The following ACADM variants were observed in gnomAD, a reference collection of about 807,000 sequenced individuals.
ACADM encodes the protein medium-chain specific acyl-CoA dehydrogenase, mitochondrial.
ACADM carries 49 observed loss-of-function variants against 58.9 expected under a neutral mutation model. That is an observed-to-expected ratio of 0.83 (90% CI 0.66 to 1.06). The LOEUF (loss-of-function observed/expected upper bound fraction) is 1.06, where lower values mean the gene tolerates loss of function less well. ACADM is among the 50% of genes least tolerant of loss of function. The probability of loss-of-function intolerance (pLI) is 0.00; values close to 1 mark genes in which losing one functional copy is unlikely to be tolerated. For missense variants in ACADM, 496 were observed against 507.0 expected (o/e 0.98, Z 0.21); for synonymous variants, 160 against 157.7 (o/e 1.01, Z -0.11).
At chr1:75,756,814 A>G (rs1300683220) in intron 10 of ACADM, among the ~76,000 whole-genome samples, 7 of 152,202 alleles carry the variant, frequency 4.6e-5, no homozygotes, top group Non-Finnish European at 8.8e-5. Context: ...AAACTATACT[A>G]CAAGGCTACA....
chr1:75,756,641 G>A (rs1466421495), intron 10 of ACADM, among the ~76,000 whole-genome samples: 4 of 152,172 alleles, frequency 2.6e-5, no homozygotes, highest in African/African-American at 4.8e-5. Flanking sequence ...ATTGCCCAAG[G>A]TAATTTATAG....
chr1:75,732,776 T>C (rs1457905644), intron 3 of ACADM, 35 bp downstream of exon 3: 6 of 1,603,782 alleles, frequency 3.7e-6, no homozygotes, highest in Non-Finnish European at 4.3e-6. Context: ...GAAAAATCTT[T>C]TACATTTTTT....
intron 10 of ACADM, 152 bp downstream of exon 10, chr1:75,750,698 C>G (rs867622615): frequency 1.4e-6 from 1 of 690,428 alleles, no homozygotes; most frequent in Admixed American, 2.1e-5. Context: ...AAAGACATTT[C>G]TTTTTAGAGT....
At chr1:75,741,121 A>G (rs1264657434) in intron 7 of ACADM, among the ~76,000 whole-genome samples, 1 of 152,218 alleles carries the variant, frequency 6.6e-6, no homozygotes, top group Admixed American at 6.5e-5. Flanking sequence ...CTACAAGTAT[A>G]TAGAGAGTTT....
intron 8 of ACADM, among the ~76,000 whole-genome samples, chr1:75,747,313 T>C (rs530165347): frequency 2.0e-5 from 3 of 151,820 alleles, no homozygotes; most frequent in South Asian, 4.1e-4. Flanking sequence ...AATATTTATG[T>C]AGTGCATACT....
At chr1:75,730,075 A>G in intron 2 of ACADM, among the ~76,000 whole-genome samples, 1 of 151,738 alleles carries the variant, frequency 6.6e-6, no homozygotes, top group East Asian at 1.9e-4. Flanking sequence ...TTATATTATT[A>G]GTAGATATGA....
chr1:75,761,674 A>G (rs1648870074), intron 11 of ACADM: 1 of 335,700 alleles, frequency 3.0e-6, no homozygotes, highest in African/African-American at 2.1e-5. Context: ...TCCAAAAAGT[A>G]TGCATGTCAT....
chr1:75,744,759 G>T, intron 7 of ACADM: 1 of 701,306 alleles, frequency 1.4e-6, no homozygotes, highest in South Asian at 1.5e-5. Flanking sequence ...GGGACACAGT[G>T]GGACCGGGAC....
rs2100417405 is a variant in ACADM, at chr1:75,749,439, A to G, written c.729A>G (p.Arg243=). The change falls in exon 9 of 12, where the codon CGA becomes CGG. Residue 243 remains arginine (R), a synonymous_variant. Transcript: ENST00000370841. The stretch of plus-strand genomic sequence containing the variant: ...ATTAGGAATTAAACATGGGCCAGCG[A>G]TGTTCAGATACTAGAGGAATTGTCT... ...IGRKELNMGQ[R]CSDTRGIVFE... 6.2e-7 allele frequency: 1 copy of G among 1,614,036 alleles called. No individual in the cohort carries two copies. The highest frequency in any genetic ancestry group is 8.5e-7 in the Non-Finnish European group (1 of 1,179,940).
At chr1:75,737,634 T>TCC (rs923968744) in intron 6 of ACADM, among the ~76,000 whole-genome samples, 1 of 151,996 alleles carries the variant, frequency 6.6e-6, no homozygotes, top group African/African-American at 2.4e-5. Context: ...GACACCTGAA[T>TCC]CCCCTCTACA....
At chr1:75,752,117 GA>G (rs1462100663) in intron 10 of ACADM, among the ~76,000 whole-genome samples, 1 of 151,324 alleles carries the variant, frequency 6.6e-6, no homozygotes, top group Non-Finnish European at 1.5e-5. Flanking sequence ...TAAATAACTG[GA>G]ACTATAGGGG....
intron 2 of ACADM, among the ~76,000 whole-genome samples, chr1:75,731,278 C>CAAAAA (rs56885972): frequency 3.1e-5 from 2 of 64,930 alleles, no homozygotes; most frequent in Non-Finnish European, 5.4e-5. Flanking sequence ...GACTCCGTCT[C>CAAAAA]AAAAAAAAAA....
rs150310121 is a variant in ACADM at position 75,761,261 on chromosome 1, G to A, written c.1085G>A (p.Gly362Glu). The part of the protein sequence containing the change: ...YYASIAKAFA[G>E]DIANQLATDA... The stretch of plus-strand genomic sequence containing the variant: ...GCTTCTATTGCAAAGGCATTTGCTG[G>A]AGATATTGCAAATCAGTTAGCTACT... Residue 362 changes from glycine to glutamate, a missense_variant, in exon 11 of 12, where the codon GGA (glycine) becomes GAA (glutamate). Gly to Glu is a moderately conservative substitution (Grantham distance 98). Transcript: ENST00000370841. The A allele has an allele frequency of 6.2e-6, 10 of 1,614,148 alleles. No individual in the cohort carries two copies. In the East Asian group the frequency reaches 2.2e-4, roughly 36 times the overall value.
chr1:75,762,974 A>G lies in ACADM; in HGVS notation c.*211A>G, dbSNP rs1305458762. ...TTTATTAAAATGATGTGTTTTCTTT[A>G]GTACCACTTTACTTGAATTACATTA... On this transcript the variant is annotated 3_prime_UTR_variant, in exon 12 of 12. Transcript: ENST00000370841. The G allele has an allele frequency of 1.5e-5, 6 of 411,442 alleles. No individual in the cohort carries two copies. The highest frequency in any genetic ancestry group is 2.7e-5 in the Non-Finnish European group (6 of 226,400). The allele number at this position is 411,442 out of a possible 1,614,324, so 25.5% of individuals were successfully genotyped here. A position where few individuals can be genotyped will look rare whatever the true frequency, so the allele number is the denominator to read the frequency against.
At chr1:75,749,269 A>G (rs979832197) in intron 8 of ACADM, 150 bp from the exon 9 acceptor site, 7 of 741,994 alleles carry the variant, frequency 9.4e-6, no homozygotes, top group South Asian at 3.5e-5. Flanking sequence ...CTGTATTCCA[A>G]TCAGGCTTTC....
chr1:75,743,329 A>C lies in ACADM; in HGVS notation c.600-2477A>C, dbSNP rs1261584114. ...TTGAGGCCAACAGCATGTGCCTGTC[A>C]CCAGGCTAACCTGGGACCCATGAGG... On this transcript the variant is annotated intron_variant, in intron 7 of 11. Coordinates refer to ENST00000370841, the MANE Select transcript of ACADM (RefSeq NM_000016.6). 5.6e-6 allele frequency: 8 copies of C among 1,432,224 alleles called. No individual in the cohort carries two copies. In the African/African-American group the frequency reaches 1.1e-4, roughly 20 times the overall value. The allele number at this position is 1,432,224 out of a possible 1,614,324, so 88.7% of individuals were successfully genotyped here.
chr1:75,728,151 C>A (rs576894315), intron 1 of ACADM, among the ~76,000 whole-genome samples: 1 of 152,244 alleles, frequency 6.6e-6, no homozygotes, highest in African/African-American at 2.4e-5. Flanking sequence ...CTAAACCCTC[C>A]ACTTCAGTAG....
At chr1:75,730,083 T>C (rs989255696) in intron 2 of ACADM, among the ~76,000 whole-genome samples, 14 of 151,920 alleles carry the variant, frequency 9.2e-5, no homozygotes, top group South Asian at 4.1e-4. Flanking sequence ...TTAGTAGATA[T>C]GAGGTTTCGC....
rs902440348 is a variant in ACADM, at chr1:75,739,925, T to C, written c.469-55T>C. 6 of 1,357,550 alleles carry C rather than the reference T, an allele frequency of 4.4e-6. No homozygotes were observed. In the African/African-American group the frequency reaches 8.8e-5, roughly 20 times the overall value. The allele number at this position is 1,357,550 out of a possible 1,614,324, so 84.1% of individuals were successfully genotyped here. ...ATAAAACAATCCTGTTTCCAAACAG[T>C]CAAAATTTAATCACTAACATTTAAT... is the stretch of plus-strand genomic sequence containing the variant. On this transcript the variant is annotated intron_variant, in intron 6 of 11. Coordinates refer to ENST00000370841, the MANE Select transcript of ACADM (RefSeq NM_000016.6).
Sources: allele counts gnomAD v4.1 joint callset (sites outside exome capture counted in the v4.1 genomes callset), GRCh38; gene constraint gnomAD v4.1.1; transcripts MANE v1.5; gene names NCBI Gene and HGNC (gene_info 2026-07-23, HGNC 2026-07-21).